Variants in CAPN13 observed in about 807,000 individuals in gnomAD.
CAPN13 encodes the protein calpain 13.
A neutral mutation model predicts 98.4 loss-of-function variants in CAPN13; 90 were observed. The ratio of observed to expected loss-of-function variants is 0.92; its 90% CI spans 0.77 to 1.09. The LOEUF (loss-of-function observed/expected upper bound fraction) is 1.09. Ranked by LOEUF, CAPN13 falls within the 50% of genes least tolerant of loss-of-function variation. The pLI is 0.00. For missense variants in CAPN13, 887 were observed against 841.3 expected, an observed-to-expected ratio of 1.05 and a Z score of -0.67; for synonymous variants, 330 against 305.5, an observed-to-expected ratio of 1.08 and a Z score of -0.84.
rs1030846775 is a variant in CAPN13, at chr2:30,726,458, C to T, written c.*31-3222G>A. On this transcript the variant is annotated intron_variant, in intron 22 of 22. Transcript: ENST00000295055. The stretch of plus-strand genomic sequence containing the variant: ...AAAAATAAAACTTTATTGCAGATTA[C>T]ATGACTTTTGAATATATAAAATTCT... 7.2e-5 allele frequency among the ~76,000 whole-genome samples: 11 copies of T among 152,258 alleles called. No homozygotes were observed. In the South Asian group the frequency reaches 2.3e-3, roughly 32 times the overall value.
At chr2:30,780,834 C>G (rs1352854830) in intron 2 of CAPN13, among the ~76,000 whole-genome samples, 2 of 152,164 alleles carry the variant, frequency 1.3e-5, no homozygotes, top group Admixed American at 1.3e-4. Flanking sequence ...TTTAGTCTGC[C>G]AGGCTGACTT....
intron 4 of CAPN13, among the ~76,000 whole-genome samples, chr2:30,773,187 T>C (rs142833903): frequency 2.6e-5 from 4 of 152,322 alleles, no homozygotes; most frequent in East Asian, 1.9e-4. Context: ...GTCCAGAGAA[T>C]AGATTAACAT....
intron 15 of CAPN13, chr2:30,741,657 T>A (rs1671663544): frequency 7.4e-7 from 1 of 1,345,258 alleles, no homozygotes; most frequent in African/African-American, 1.5e-5. Flanking sequence ...CACCCCATAA[T>A]TATCCCCTCC....
intron 1 of CAPN13, among the ~76,000 whole-genome samples, chr2:30,796,200 GTATATATATATACACATATATATGTA>G (rs200127532): frequency 0.14 from 18,877 of 136,438 alleles, 1,423 homozygotes; most frequent in Non-Finnish European, 0.16. Context: ...ATATGTGTGT[GTATATATATATACACATATATATGTA>G]TATATATATG....
At chr2:30,801,815 G>A (rs1675299250) in intron 1 of CAPN13, among the ~76,000 whole-genome samples, 1 of 152,038 alleles carries the variant, frequency 6.6e-6, no homozygotes, top group Admixed American at 6.6e-5. Flanking sequence ...GGAGGACAAA[G>A]TCCACCAGGG....
At chr2:30,771,417 A>G (rs1005983610) in intron 4 of CAPN13, among the ~76,000 whole-genome samples, 2 of 152,158 alleles carry the variant, frequency 1.3e-5, no homozygotes, top group Non-Finnish European at 2.9e-5. Context: ...CGAGGATGCA[A>G]TTTCAGAGCA....
In CAPN13 at chr2:30,730,797, A is replaced by G; in HGVS notation, c.1984-11T>C. 1 of 780,894 alleles carries G rather than the reference A, an allele frequency of 1.3e-6. No individual in the cohort carries two copies. The highest frequency in any genetic ancestry group is 2.4e-6 in the Non-Finnish European group (1 of 417,980). 48.4% of individuals were successfully genotyped at this position (780,894 alleles called of 1,614,324 possible). A position where few individuals can be genotyped will look rare whatever the true frequency, so the allele number is the denominator to read the frequency against. ...GACCAGGCTCATCCACTGAAAAATAAGCATCATCATTACAACAATTCTTTA... is the reference window on the plus strand; with the variant it reads ...GACCAGGCTCATCCACTGAAAAATAGGCATCATCATTACAACAATTCTTTA... On this transcript the variant is annotated splice_polypyrimidine_tract_variant and intron_variant, in intron 21 of 22. Transcript: ENST00000295055.
At chr2:30,735,396 G>A (rs1405036119) in intron 18 of CAPN13, among the ~76,000 whole-genome samples, 1 of 152,226 alleles carries the variant, frequency 6.6e-6, no homozygotes, top group Non-Finnish European at 1.5e-5. Flanking sequence ...AACCATGGGA[G>A]ACAACTGTTG....
chr2:30,757,880 G>A (rs184335841), intron 8 of CAPN13, among the ~76,000 whole-genome samples, 166 bp downstream of exon 8: 6 of 152,334 alleles, frequency 3.9e-5, no homozygotes, highest in African/African-American at 1.4e-4. Context: ...CTTGGCGGAT[G>A]GCATCACAGG....
chr2:30,731,222 G>A (rs901823200), intron 21 of CAPN13, 122 bp downstream of exon 21: 6 of 799,744 alleles, frequency 7.5e-6, no homozygotes, highest in African/African-American at 3.6e-5. Context: ...AGGTTGGGGG[G>A]ACAGCTTGGC....
At chr2:30,789,907 G>T (rs1674515745) in intron 1 of CAPN13, among the ~76,000 whole-genome samples, 1 of 152,204 alleles carries the variant, frequency 6.6e-6, no homozygotes, top group Non-Finnish European at 1.5e-5. Flanking sequence ...TCAGACCTGG[G>T]CCCTGGGCTC....
chr2:30,768,436 G>A (rs1268214410), intron 5 of CAPN13, among the ~76,000 whole-genome samples: 1 of 152,178 alleles, frequency 6.6e-6, no homozygotes, highest in African/African-American at 2.4e-5. Flanking sequence ...GGGAGGAGGA[G>A]GAGCGGGCCA....
intron 8 of CAPN13, 60 bp downstream of exon 8, chr2:30,757,986 G>A: frequency 7.6e-7 from 1 of 1,311,872 alleles, no homozygotes; most frequent in African/African-American, 1.5e-5. Context: ...TCATGGGCAG[G>A]AGGCTCTACC....
intron 20 of CAPN13, 101 bp from the exon 21 acceptor site, chr2:30,731,500 C>G (rs1671094273): frequency 2.0e-6 from 2 of 998,076 alleles, no homozygotes; most frequent in Non-Finnish European, 1.5e-6. Flanking sequence ...GGAGGTGATT[C>G]TGTAAAGCAG....
chr2:30,794,496 T>C (rs1674757370), intron 1 of CAPN13, among the ~76,000 whole-genome samples: 1 of 151,892 alleles, frequency 6.6e-6, no homozygotes, highest in South Asian at 2.1e-4. Context: ...GGCAGTTTCC[T>C]AAAATGTTAA....
At chr2:30,799,183 A>G (rs1675041372) in intron 1 of CAPN13, among the ~76,000 whole-genome samples, 1 of 151,986 alleles carries the variant, frequency 6.6e-6, no homozygotes, top group East Asian at 1.9e-4. Context: ...AGGAAGGAGG[A>G]GGAAGAGAGA....
intron 22 of CAPN13, chr2:30,729,669 T>C (rs1670991543): frequency 6.6e-6 from 1 of 152,230 alleles, no homozygotes; most frequent in South Asian, 2.1e-4. Flanking sequence ...TCATTTGCGA[T>C]CATTAGAAAG....
At chr2:30,786,989 C>A (rs1674317640) in intron 2 of CAPN13, 139 bp downstream of exon 2, 2 of 678,614 alleles carry the variant, frequency 2.9e-6, no homozygotes, top group Non-Finnish European at 5.0e-6. Context: ...TGAGTAGCTA[C>A]AACACTGTAG....
intron 11 of CAPN13, among the ~76,000 whole-genome samples, chr2:30,747,730 C>T (rs1262469063): frequency 1.3e-5 from 2 of 152,218 alleles, no homozygotes; most frequent in African/African-American, 4.8e-5. Flanking sequence ...CTTCTGAGAG[C>T]CTGGCTGCTG....
Sources: allele counts gnomAD v4.1 joint callset (sites outside exome capture counted in the v4.1 genomes callset), GRCh38; gene constraint gnomAD v4.1.1; transcripts MANE v1.5; gene names NCBI Gene and HGNC (gene_info 2026-07-23, HGNC 2026-07-21).